SYBU: variants seen among roughly 807,000 people sequenced by gnomAD.
SYBU encodes the protein GOLSYN A protein.
SYBU carries 21 observed loss-of-function variants against 35.9 expected under a neutral mutation model. The ratio of observed to expected loss-of-function variants is 0.58; its 90% CI spans 0.41 to 0.84. The LOEUF is 0.84. Among genes scored for constraint, SYBU ranks in the 40% least tolerant of loss-of-function variants. SYBU has a pLI of 0.00. For missense variants in SYBU, 768 were observed against 848.2 expected, an observed-to-expected ratio of 0.91 and a Z score of 1.17; for synonymous variants, 319 against 324.3, an observed-to-expected ratio of 0.98 and a Z score of 0.18.
intron 1 of SYBU, among the ~76,000 whole-genome samples, chr8:109,674,398 C>T (rs534060967): frequency 4.6e-5 from 7 of 152,010 alleles, no homozygotes; most frequent in African/African-American, 1.4e-4. Context: ...CTTAAAGAAA[C>T]GATTTTTCAA....
At chr8:109,576,373 CTG>C (rs910364575) in intron 6 of SYBU, among the ~76,000 whole-genome samples, 8 of 152,156 alleles carry the variant, frequency 5.3e-5, no homozygotes, top group South Asian at 4.1e-4. Flanking sequence ...GGATATTGCA[CTG>C]TGTTACAAGT....
intron 2 of SYBU, among the ~76,000 whole-genome samples, chr8:109,638,014 C>T (rs575263231): frequency 6.1e-4 from 93 of 152,240 alleles, no homozygotes; most frequent in African/African-American, 1.7e-3. Context: ...GTATTTAATG[C>T]GTTAAGTCGC....
rs756211087 is a variant in SYBU, at chr8:109,576,046, A to G, written c.885-33T>C. 7.2e-6 allele frequency: 6 copies of G among 829,274 alleles called. No homozygotes were observed. In the South Asian group the frequency reaches 1.9e-4, roughly 26 times the overall value. The allele number at this position is 829,274 out of a possible 1,614,324, so 51.4% of individuals were successfully genotyped here. On this transcript the variant is annotated intron_variant, in intron 6 of 6. Coordinates refer to ENST00000276646, the MANE Select transcript of SYBU (RefSeq NM_001099754.2). ...GCCAAGACAAGCATGGTTAATTAAA[A>G]AAAAAAAAAAAAAAAAAAAAAAAAC...
intron 3 of SYBU, among the ~76,000 whole-genome samples, chr8:109,592,369 C>T (rs1388171678): frequency 6.6e-6 from 1 of 152,178 alleles, no homozygotes; most frequent in Non-Finnish European, 1.5e-5. Flanking sequence ...AAAAGAGACT[C>T]CCCATGGACG....
intron 1 of SYBU, among the ~76,000 whole-genome samples, chr8:109,651,728 C>G (rs534241593): frequency 6.6e-6 from 1 of 152,238 alleles, no homozygotes; most frequent in Admixed American, 6.5e-5. Context: ...ATGGTTAGAG[C>G]TTAATAGATA....
upstream of SYBU, among the ~76,000 whole-genome samples, chr8:109,648,277 T>C (rs1406703882): frequency 1.4e-5 from 2 of 144,800 alleles, no homozygotes; most frequent in Non-Finnish European, 3.0e-5. Flanking sequence ...ATATATATAA[T>C]ATATATATAT....
At chr8:109,681,766 G>C (rs1209985541), upstream of SYBU, among the ~76,000 whole-genome samples, 2 of 152,102 alleles carry the variant, frequency 1.3e-5, no homozygotes, top group Non-Finnish European at 2.9e-5. Context: ...GATATGGTTT[G>C]GGTGTGTCCC....
intron 1 of SYBU, among the ~76,000 whole-genome samples, chr8:109,662,724 A>T (rs993245612): frequency 5.9e-5 from 9 of 152,138 alleles, no homozygotes; most frequent in Admixed American, 2.0e-4. Flanking sequence ...AGCTTTTCAA[A>T]ATTGGCTTTC....
chr8:109,579,721 C>CTTT, intron 5 of SYBU, 78 bp downstream of exon 5: 1 of 1,253,414 alleles, frequency 8.0e-7, no homozygotes, highest in Admixed American at 1.9e-5. Flanking sequence ...AGTTGTATAA[C>CTTT]TTTTTTTTTT....
intron 2 of SYBU, among the ~76,000 whole-genome samples, chr8:109,619,241 T>C (rs1395371389): frequency 2.6e-5 from 4 of 152,020 alleles, no homozygotes; most frequent in Admixed American, 2.6e-4. Context: ...TTTTTTTTTT[T>C]TTGAGACAGT....
intron 1 of SYBU, among the ~76,000 whole-genome samples, chr8:109,660,547 C>T (rs760690775): frequency 6.6e-5 from 10 of 151,906 alleles, no homozygotes; most frequent in Non-Finnish European, 1.3e-4. Flanking sequence ...TACTATCTAT[C>T]CAAACATAGG....
chr8:109,665,523 A>AT (rs1224754314), intron 1 of SYBU, among the ~76,000 whole-genome samples: 1 of 152,158 alleles, frequency 6.6e-6, no homozygotes, highest in Non-Finnish European at 1.5e-5. Flanking sequence ...TTATGTTTCC[A>AT]TTTTTTTGGT....
At chr8:109,673,273 T>C (rs1817056999) in intron 1 of SYBU, among the ~76,000 whole-genome samples, 1 of 152,122 alleles carries the variant, frequency 6.6e-6, no homozygotes, top group Admixed American at 6.5e-5. Flanking sequence ...AGACACCTCA[T>C]ACAGGTGAGC....
rs539243957 is a variant in SYBU, at chr8:109,578,266, C to T, written c.735-249G>A. 3.4e-4 allele frequency among the ~76,000 whole-genome samples: 52 copies of T among 152,234 alleles called. 1 individual carries two copies. In the South Asian group the frequency reaches 9.5e-3, roughly 28 times the overall value. ...AGAGAGCTTTCTAGCTTTCTTTTTC[C>T]ACCCTGTGAGGATACATTAAGAGGT... On this transcript the variant is annotated intron_variant, in intron 5 of 6. Transcript: ENST00000276646.
At chr8:109,577,498 G>A (rs1215150023) in intron 6 of SYBU, among the ~76,000 whole-genome samples, 2 of 151,962 alleles carry the variant, frequency 1.3e-5, no homozygotes, top group African/African-American at 2.4e-5. Flanking sequence ...ATTGGTCCAC[G>A]GTTGTGACCC....
chr8:109,691,403 C>A lies in SYBU; in HGVS notation c.-128G>T. 1 of 689,594 alleles carries A rather than the reference C, an allele frequency of 1.5e-6. No homozygotes were observed. Among genetic ancestry groups the A allele is most frequent in the Non-Finnish European group, 2.6e-6 (1 of 379,620 alleles). 42.7% of individuals were successfully genotyped at this position (689,594 alleles called of 1,614,324 possible). On this transcript the variant is annotated 5_prime_UTR_variant, in exon 1 of 8. Transcript: ENST00000422135. The surrounding 1 kb of genome is among the most constrained non-coding windows in gnomAD (Gnocchi z 4.7). ...ACCTACGTGCGCCCGGGAGACCGGGCCCCGGCTGGGCCGGGTGCCGGTGCG... is the reference window on the plus strand; with the variant it reads ...ACCTACGTGCGCCCGGGAGACCGGGACCCGGCTGGGCCGGGTGCCGGTGCG...
upstream of SYBU, chr8:109,647,333 GTCGAGACTGCTGCA>G (rs1815803099): frequency 6.6e-6 from 1 of 151,698 alleles, no homozygotes; most frequent in South Asian, 2.1e-4. Flanking sequence ...TCTCTTTTTC[GTCGAGACTGCTGCA>G]CCTGCCTCTG....
chr8:109,620,033 T>G (rs1812249237), intron 2 of SYBU, among the ~76,000 whole-genome samples: 1 of 152,216 alleles, frequency 6.6e-6, no homozygotes, highest in Non-Finnish European at 1.5e-5. Context: ...CATAGATGCT[T>G]ATTATGGAAA....
rs75981463 is a variant in SYBU, at chr8:109,651,245, C to T, written c.-129+29466G>A. The stretch of plus-strand genomic sequence containing the variant: ...AGCAAAGCTAAGGCTGGAGAAATGA[C>T]CTTAACTCAGAGGCTGGTAGAAAAG... On this transcript the variant is annotated intron_variant, in intron 1 of 5. Transcript: ENST00000408889. Among the ~76,000 whole-genome samples the T allele has an allele frequency of 2.0e-4, 30 of 152,238 alleles. No individual in the cohort carries two copies. In the East Asian group the frequency reaches 2.9e-3, roughly 15 times the overall value.
Sources: allele counts gnomAD v4.1 joint callset (sites outside exome capture counted in the v4.1 genomes callset), GRCh38; gene constraint gnomAD v4.1.1; non-coding constraint Gnocchi (gnomAD v3.1); transcripts MANE v1.5; gene names NCBI Gene and HGNC (gene_info 2026-07-23, HGNC 2026-07-21).